TRAPPC13: variants seen among roughly 807,000 people sequenced by gnomAD.
The protein encoded by TRAPPC13 is trafficking protein particle complex subunit 13, also known as REV7-interacting novel NHEJ regulator 1.
A neutral mutation model predicts 54.0 loss-of-function variants in TRAPPC13; 39 were observed. The observed-to-expected ratio is 0.72, with a 90% CI of 0.56 to 0.94. The LOEUF (loss-of-function observed/expected upper bound fraction) is 0.94. TRAPPC13 is among the 40% of genes least tolerant of loss of function. The probability of loss-of-function intolerance (pLI) is 0.00; values close to 1 mark genes in which losing one functional copy is unlikely to be tolerated. For missense variants in TRAPPC13, 386 were observed against 488.1 expected (o/e 0.79, Z 1.97); for synonymous variants, 148 against 167.7 (o/e 0.88, Z 0.91).
intron 5 of TRAPPC13, among the ~76,000 whole-genome samples, chr5:65,649,031 C>T (rs1173260126): frequency 2.6e-5 from 4 of 151,986 alleles, no homozygotes; most frequent in Non-Finnish European, 4.4e-5. Flanking sequence ...GCCTGGGAAA[C>T]ATGATGAAAT....
At chr5:65,628,940 C>T (rs1755390719) in intron 1 of TRAPPC13, among the ~76,000 whole-genome samples, 1 of 151,900 alleles carries the variant, frequency 6.6e-6, no homozygotes, top group South Asian at 2.1e-4. Flanking sequence ...GCCTCAGCTT[C>T]CCTAGTAGCT....
At chr5:65,629,244 T>C (rs1012507801) in intron 1 of TRAPPC13, among the ~76,000 whole-genome samples, 2 of 152,168 alleles carry the variant, frequency 1.3e-5, no homozygotes, top group African/African-American at 4.8e-5. Context: ...ACTACTAGCG[T>C]TTTTAGGCAG....
At chr5:65,658,592 TAG>T in intron 9 of TRAPPC13, 91 bp downstream of exon 9, 5 of 1,145,678 alleles carry the variant, frequency 4.4e-6, no homozygotes, top group Non-Finnish European at 5.7e-6. Context: ...TTTTTTTTAA[TAG>T]ACTTTTTTTA....
In TRAPPC13 at chr5:65,637,791, T is replaced by A. The variant is rs772799454; in HGVS notation, c.300+11T>A. The A allele has an allele frequency of 3.4e-6, 5 of 1,486,664 alleles. No homozygotes were observed. In the South Asian group the frequency reaches 6.0e-5, roughly 18 times the overall value. The allele number at this position is 1,486,664 out of a possible 1,614,324, so 92.1% of individuals were successfully genotyped here. ...GACATATTAGTAAAAGTAAGTAACA[T>A]TCTTACTTGGGATGTATTTTAGTCT... is the stretch of plus-strand genomic sequence containing the variant. On this transcript the variant is annotated intron_variant, in intron 4 of 12. Transcript: ENST00000399438.
intron 1 of TRAPPC13, among the ~76,000 whole-genome samples, chr5:65,634,700 G>A (rs1292559860): frequency 6.6e-6 from 1 of 151,408 alleles, no homozygotes; most frequent in Non-Finnish European, 1.5e-5. Flanking sequence ...GGACCAGCCT[G>A]GCCAACATGG....
chr5:65,645,840 A>G (rs774049251), intron 4 of TRAPPC13, among the ~76,000 whole-genome samples: 1 of 152,180 alleles, frequency 6.6e-6, no homozygotes, highest in Non-Finnish European at 1.5e-5. Flanking sequence ...TTTATAAAAG[A>G]AACAAAAACT....
rs1174345182 is a variant in TRAPPC13 at position 65,637,306 on chromosome 5, T to C, written c.216-390T>C. On this transcript the variant is annotated intron_variant, in intron 3 of 12. Coordinates refer to ENST00000399438, the MANE Select transcript of TRAPPC13 (RefSeq NM_024941.4). ...ATCCTTCAGTAAATGTTTCTCCATTTGAAGTTCTTAGTGATTCTCAAACAG... is the reference window on the plus strand; with the variant it reads ...ATCCTTCAGTAAATGTTTCTCCATTCGAAGTTCTTAGTGATTCTCAAACAG... Among the ~76,000 whole-genome samples the C allele has an allele frequency of 3.3e-5, 5 of 152,348 alleles. No homozygotes were observed. In the East Asian group the frequency reaches 9.6e-4, roughly 29 times the overall value.
intron 4 of TRAPPC13, among the ~76,000 whole-genome samples, chr5:65,643,584 C>T (rs933656358): frequency 6.6e-6 from 1 of 151,728 alleles, no homozygotes; most frequent in East Asian, 1.9e-4. Flanking sequence ...TTTGGGAGGC[C>T]GAGGCGGGCG....
chr5:65,636,075 G>A, intron 3 of TRAPPC13, 32 bp downstream of exon 3: 2 of 1,363,186 alleles, frequency 1.5e-6, no homozygotes, highest in Admixed American at 2.0e-5. Flanking sequence ...AAGAAACCTT[G>A]TAAAGCCATT....
At position 65,665,317 on chromosome 5, in the gene TRAPPC13, GT is replaced by G. The variant is rs1757002354; in HGVS notation, c.*712del. 6.6e-6 allele frequency: 1 copy of G among 152,162 alleles called. No individual in the cohort carries two copies. Among genetic ancestry groups the G allele is most frequent in the Non-Finnish European group, 1.5e-5 (1 of 68,032 alleles). The allele number at this position is 152,162 out of a possible 1,614,324, so 9.4% of individuals were successfully genotyped here. ...GTTAGAAATATTTCAGTTAACTCCA[GT>G]TTTTTCCTAGCTATTCGGTCAGCAG... On this transcript the variant is annotated 3_prime_UTR_variant, in exon 13 of 13. Coordinates refer to ENST00000399438, the MANE Select transcript of TRAPPC13 (RefSeq NM_024941.4).
At position 65,630,439 on chromosome 5, in the gene TRAPPC13, TTTTAGA is replaced by T. The variant is rs16737; in HGVS notation, c.47-4861_47-4856del. Reference sequence around the variant, plus strand: ...ACAGGTTTTAAAATTTTTAATGACTTTTTAGAATTCCTAGGCTTGTCAATTAAGTCA... The same window carrying T: ...ACAGGTTTTAAAATTTTTAATGACTTATTCCTAGGCTTGTCAATTAAGTCA... On this transcript the variant is annotated intron_variant, in intron 1 of 12. Transcript: ENST00000399438. 6.3e-3 allele frequency: 8,876 copies of T among 1,408,534 alleles called. 486 individuals are homozygous for T. The African/African-American group carries it at 0.12, about 18-fold the overall frequency. 87.3% of individuals were successfully genotyped at this position (1,408,534 alleles called of 1,614,324 possible).
chr5:65,648,356 TA>T (rs1455253340), intron 5 of TRAPPC13, among the ~76,000 whole-genome samples: 5 of 151,684 alleles, frequency 3.3e-5, no homozygotes, highest in Admixed American at 6.6e-5. Context: ...ACCCACCATT[TA>T]TCATTTTAAA....
At chr5:65,645,156 C>A (rs1756135302) in intron 4 of TRAPPC13, among the ~76,000 whole-genome samples, 2 of 141,866 alleles carry the variant, frequency 1.4e-5, no homozygotes, top group South Asian at 4.5e-4. Context: ...CGAGATCATG[C>A]CATTGCACGC....
chr5:65,649,486 T>G (rs1203988684), intron 5 of TRAPPC13, among the ~76,000 whole-genome samples: 3 of 152,170 alleles, frequency 2.0e-5, no homozygotes, highest in South Asian at 4.1e-4. Flanking sequence ...CCTCACCAAC[T>G]CTGATATCAC....
At chr5:65,629,684 C>T (rs529854028) in intron 1 of TRAPPC13, 7 of 1,535,936 alleles carry the variant, frequency 4.6e-6, no homozygotes, top group African/African-American at 1.4e-5. Context: ...CTTTCCTACT[C>T]GTCCGCTATC....
rs747080723 is a variant in TRAPPC13, at chr5:65,658,358, A to G, written c.565-10A>G. On this transcript the variant is annotated splice_polypyrimidine_tract_variant and intron_variant, in intron 8 of 12. Coordinates refer to ENST00000399438, the MANE Select transcript of TRAPPC13 (RefSeq NM_024941.4). ...CCACACCTTGGTGGATATTTTTTTCATATCCTCAGACTGATGAAGTATTTC... is the reference window on the plus strand; with the variant it reads ...CCACACCTTGGTGGATATTTTTTTCGTATCCTCAGACTGATGAAGTATTTC... 12 of 1,581,764 alleles carry G rather than the reference A, an allele frequency of 7.6e-6. No homozygotes were observed. The highest frequency in any genetic ancestry group is 1.2e-5 in the South Asian group (1 of 85,144).
intron 4 of TRAPPC13, among the ~76,000 whole-genome samples, chr5:65,641,890 T>C (rs1347261733): frequency 9.9e-5 from 15 of 151,476 alleles, no homozygotes; most frequent in Non-Finnish European, 2.2e-4. Context: ...TTTTTTCCTA[T>C]GAATATAGTA....
rs1376692375 is a variant in TRAPPC13 at position 65,665,544 on chromosome 5, T to TTAAC, written c.*936_*939dup. 2.6e-5 allele frequency: 4 copies of TTAAC among 152,182 alleles called. No individual in the cohort carries two copies. The highest frequency in any genetic ancestry group is 7.2e-5 in the African/African-American group (3 of 41,452). The allele number at this position is 152,182 out of a possible 1,614,324, so 9.4% of individuals were successfully genotyped here. A position where few individuals can be genotyped will look rare whatever the true frequency, so the allele number is the denominator to read the frequency against. On this transcript the variant is annotated 3_prime_UTR_variant, in exon 13 of 13. Transcript: ENST00000399438. ...TTTTTAGGTTGTTGATTTTTTTTAA[T>TTAAC]TAACTATTAACTAAGAATAATACTT...
intron 1 of TRAPPC13, chr5:65,625,598 T>C (rs1235654716): frequency 6.5e-6 from 1 of 153,158 alleles, no homozygotes; most frequent in Non-Finnish European, 1.5e-5. Context: ...TTCAAATCAC[T>C]GTGTATGTGG....
Sources: allele counts gnomAD v4.1 joint callset (sites outside exome capture counted in the v4.1 genomes callset), GRCh38; gene constraint gnomAD v4.1.1; transcripts MANE v1.5; gene names NCBI Gene and HGNC (gene_info 2026-07-23, HGNC 2026-07-21).